Variants in SOS1 observed in about 807,000 individuals in gnomAD.
SOS1 encodes the protein son of sevenless homolog 1.
In SOS1, 25 loss-of-function variants were observed where a neutral mutation model predicts 157.6. That is an observed-to-expected ratio of 0.16 (90% CI 0.12 to 0.22). The LOEUF is 0.22. Ranked by LOEUF, SOS1 falls within the 10% of genes least tolerant of loss-of-function variation. SOS1 has a pLI of 1.00. For synonymous variants in SOS1, 528 were observed against 534.0 expected (o/e 0.99, Z 0.16); for missense variants, 1,237 against 1,599.1 (o/e 0.77, Z 3.86).
chr2:39,033,950 A>T (rs192787208), intron 8 of SOS1, among the ~76,000 whole-genome samples: 1 of 152,278 alleles, frequency 6.6e-6, no homozygotes, highest in Admixed American at 6.5e-5. Context: ...GTTATTAGAG[A>T]AACCATTACA....
At chr2:38,989,843 A>G (rs969366298) in intron 20 of SOS1, among the ~76,000 whole-genome samples, 2 of 152,126 alleles carry the variant, frequency 1.3e-5, no homozygotes, top group African/African-American at 4.8e-5. Context: ...TTTTATAGTC[A>G]TAAACATTTT....
At chr2:38,987,322 A>G (rs1668586766) in intron 22 of SOS1, 151 bp downstream of exon 22, 8 of 650,562 alleles carry the variant, frequency 1.2e-5, no homozygotes, top group Admixed American at 4.6e-5. Flanking sequence ...ACATTACTGC[A>G]TGCTAAATCT....
chr2:39,062,845 A>G (rs568107932), intron 2 of SOS1, among the ~76,000 whole-genome samples: 5 of 152,040 alleles, frequency 3.3e-5, no homozygotes, highest in Non-Finnish European at 7.4e-5. Flanking sequence ...TTCAAAGTTT[A>G]AATACAGAAA....
intron 6 of SOS1, among the ~76,000 whole-genome samples, chr2:39,045,597 C>T (rs765962211): frequency 6.6e-6 from 1 of 151,996 alleles, no homozygotes; most frequent in Non-Finnish European, 1.5e-5. Context: ...TATTGTTATA[C>T]AGGTTTGATT....
At chr2:39,030,293 T>C (rs916277319) in intron 8 of SOS1, among the ~76,000 whole-genome samples, 1 of 145,648 alleles carries the variant, frequency 6.9e-6, no homozygotes, top group Non-Finnish European at 1.5e-5. Context: ...GCTGGGTGCA[T>C]TGGCTCATGC....
At chr2:39,100,424 T>G (rs750494664) in intron 1 of SOS1, among the ~76,000 whole-genome samples, 2 of 152,080 alleles carry the variant, frequency 1.3e-5, no homozygotes, top group Non-Finnish European at 2.9e-5. Context: ...GACAGATGAA[T>G]GAAAAAAGAA....
At chr2:39,079,763 G>C (rs1672138495) in intron 1 of SOS1, among the ~76,000 whole-genome samples, 1 of 152,062 alleles carries the variant, frequency 6.6e-6, no homozygotes, top group Non-Finnish European at 1.5e-5. Context: ...AAAGTGCTGG[G>C]ATTACAGGCA....
chr2:39,013,396 T>C (rs1669529327), intron 13 of SOS1, 64 bp downstream of exon 13: 1 of 926,570 alleles, frequency 1.1e-6, no homozygotes, highest in Non-Finnish European at 1.8e-6. Flanking sequence ...TGACATCAAT[T>C]GATAGTCACC....
intron 20 of SOS1, among the ~76,000 whole-genome samples, chr2:38,990,169 C>T (rs72916887): frequency 0.046 from 6,733 of 147,006 alleles, 344 homozygotes; most frequent in African/African-American, 0.13. Context: ...ATTCAGATTT[C>T]GTTTTTTTTT....
At chr2:39,050,614 G>A (rs1274911548) in intron 6 of SOS1, among the ~76,000 whole-genome samples, 2 of 152,086 alleles carry the variant, frequency 1.3e-5, no homozygotes, top group Admixed American at 1.3e-4. Context: ...ATGCTCCAAT[G>A]AGCATTTCCT....
chr2:38,994,725 G>A (rs1433525393), intron 20 of SOS1, among the ~76,000 whole-genome samples: 2 of 152,172 alleles, frequency 1.3e-5, no homozygotes, highest in African/African-American at 4.8e-5. Context: ...TTGGGTTTTT[G>A]GATGAGGGAT....
At chr2:39,033,873 G>T (rs1393549337) in intron 8 of SOS1, among the ~76,000 whole-genome samples, 1 of 151,534 alleles carries the variant, frequency 6.6e-6, no homozygotes, top group African/African-American at 2.4e-5. Flanking sequence ...ACGGCCTTAA[G>T]ATTTTATATG....
chr2:39,067,530 C>CAT (rs1671630090), intron 2 of SOS1, 98 bp downstream of exon 2: 1 of 1,062,548 alleles, frequency 9.4e-7, no homozygotes, highest in Non-Finnish European at 1.5e-6. Flanking sequence ...TCTTATATAC[C>CAT]ATATATATAG....
chr2:39,008,795 T>A (rs1292042351), intron 15 of SOS1, among the ~76,000 whole-genome samples: 2 of 151,998 alleles, frequency 1.3e-5, no homozygotes, highest in African/African-American at 4.8e-5. Flanking sequence ...AGTGGATGAG[T>A]CTTTCCAGTA....
At chr2:39,038,371 T>C (rs1361074225) in intron 6 of SOS1, among the ~76,000 whole-genome samples, 12 of 152,100 alleles carry the variant, frequency 7.9e-5, no homozygotes, top group Non-Finnish European at 1.8e-4. Context: ...AGCCTGATGA[T>C]GTGACTTGAA....
chr2:39,047,905 T>C (rs1670848469), intron 6 of SOS1, among the ~76,000 whole-genome samples: 1 of 152,180 alleles, frequency 6.6e-6, no homozygotes, highest in Non-Finnish European at 1.5e-5. Flanking sequence ...TGACCTCAAG[T>C]GATCCACTGA....
At chr2:39,077,264 C>T (rs528851157) in intron 1 of SOS1, among the ~76,000 whole-genome samples, 1 of 151,390 alleles carries the variant, frequency 6.6e-6, no homozygotes, top group African/African-American at 2.4e-5. Context: ...ATTGCTTGAT[C>T]CCAGGAGGCG....
At chr2:39,023,311 T>A (rs1398571204) in intron 9 of SOS1, 86 bp from the exon 10 acceptor site, 5 of 963,460 alleles carry the variant, frequency 5.2e-6, no homozygotes, top group Non-Finnish European at 8.0e-6. Context: ...AAAAGTAGAT[T>A]TTTACAAGTC....
intron 1 of SOS1, among the ~76,000 whole-genome samples, chr2:39,111,119 G>A (rs568872984): frequency 3.8e-4 from 58 of 152,268 alleles, no homozygotes; most frequent in African/African-American, 1.3e-3. Flanking sequence ...TGTAATCCCA[G>A]CTAATCGGGA....
Sources: allele counts gnomAD v4.1 joint callset (sites outside exome capture counted in the v4.1 genomes callset), GRCh38; gene constraint gnomAD v4.1.1; transcripts MANE v1.5; gene names NCBI Gene and HGNC (gene_info 2026-07-23, HGNC 2026-07-21).